The following CEP128 variants were observed in gnomAD, a reference collection of about 807,000 sequenced individuals.
CEP128 encodes centrosomal protein 128.
In CEP128, 132 loss-of-function variants were observed where a neutral mutation model predicts 156.7. The ratio of observed to expected loss-of-function variants is 0.84; its 90% CI spans 0.73 to 0.97. The LOEUF is 0.97. CEP128 is among the 50% of genes least tolerant of loss of function. The pLI is 0.00. For synonymous variants in CEP128, 469 were observed against 448.9 expected (o/e 1.04, Z -0.57); for missense variants, 1,252 against 1,281.9 (o/e 0.98, Z 0.36).
downstream of CEP128, among the ~76,000 whole-genome samples, chr14:80,489,267 TAAAAAA>T (rs35135843): frequency 9.3e-6 from 1 of 108,032 alleles, no homozygotes; most frequent in African/African-American, 3.5e-5. Flanking sequence ...TTGTAAAAGC[TAAAAAA>T]AAAAAAAAAA....
chr14:80,508,060 C>T (rs979900019), intron 23 of CEP128, among the ~76,000 whole-genome samples: 2 of 152,152 alleles, frequency 1.3e-5, no homozygotes, highest in Admixed American at 1.3e-4. Flanking sequence ...GGATTACAGG[C>T]ATGTGCCACC....
At chr14:80,952,300 T>C (rs1012660373) in intron 2 of CEP128, among the ~76,000 whole-genome samples, 2 of 152,136 alleles carry the variant, frequency 1.3e-5, no homozygotes, top group Admixed American at 6.5e-5. Flanking sequence ...GTGTTCAAGT[T>C]ATACAAACTA....
chr14:80,796,359 C>T (rs562521992), intron 13 of CEP128, among the ~76,000 whole-genome samples: 1 of 152,164 alleles, frequency 6.6e-6, no homozygotes, highest in South Asian at 2.1e-4. Flanking sequence ...ACTCAGGAGG[C>T]TGAGGCATAA....
chr14:80,515,961 C>T (rs188810681), intron 23 of CEP128, among the ~76,000 whole-genome samples: 8 of 152,284 alleles, frequency 5.3e-5, no homozygotes, highest in South Asian at 4.1e-4. Context: ...GACCACCTCC[C>T]GGGTTCAAGC....
intron 4 of CEP128, among the ~76,000 whole-genome samples, chr14:80,911,994 G>T (rs549140626): frequency 6.6e-6 from 1 of 152,154 alleles, no homozygotes; most frequent in Non-Finnish European, 1.5e-5. Context: ...CAAGGCAGGC[G>T]GATCACAAGG....
intron 13 of CEP128, among the ~76,000 whole-genome samples, chr14:80,827,248 A>G (rs1356427494): frequency 2.0e-5 from 3 of 152,216 alleles, no homozygotes; most frequent in Non-Finnish European, 4.4e-5. Context: ...AAAAACATAA[A>G]TTTTTTACAA....
At chr14:80,721,608 T>C (rs1396294245) in intron 19 of CEP128, among the ~76,000 whole-genome samples, 2 of 152,226 alleles carry the variant, frequency 1.3e-5, no homozygotes, top group African/African-American at 4.8e-5. Flanking sequence ...TTTAATATTT[T>C]ATTATCAGAA....
At chr14:80,597,732 A>G (rs938869806) in intron 19 of CEP128, among the ~76,000 whole-genome samples, 11 of 151,892 alleles carry the variant, frequency 7.2e-5, no homozygotes, top group African/African-American at 2.7e-4. Context: ...AACTTATAAT[A>G]AGAATTATGT....
intron 19 of CEP128, among the ~76,000 whole-genome samples, chr14:80,727,268 G>A (rs906173076): frequency 6.6e-6 from 1 of 152,064 alleles, no homozygotes; most frequent in East Asian, 1.9e-4. Flanking sequence ...TCACTTTAAC[G>A]TGAAATAAAG....
chr14:80,712,959 C>T (rs1335899215), intron 19 of CEP128, among the ~76,000 whole-genome samples: 2 of 152,116 alleles, frequency 1.3e-5, no homozygotes, highest in East Asian at 1.9e-4. Flanking sequence ...GTTGAATCAA[C>T]CCATCCTTAG....
chr14:80,798,227 T>A (rs1883607428), intron 13 of CEP128, among the ~76,000 whole-genome samples: 1 of 152,146 alleles, frequency 6.6e-6, no homozygotes, highest in African/African-American at 2.4e-5. Context: ...GAAAAAATGG[T>A]GATGAGTAGT....
chr14:80,731,561 T>C (rs1221699816), intron 19 of CEP128, among the ~76,000 whole-genome samples: 1 of 152,170 alleles, frequency 6.6e-6, no homozygotes, highest in Non-Finnish European at 1.5e-5. Flanking sequence ...AAATGTGATG[T>C]AACTAAAAAA....
intron 16 of CEP128, among the ~76,000 whole-genome samples, chr14:80,772,504 C>T (rs1019458303): frequency 1.3e-5 from 2 of 152,138 alleles, no homozygotes; most frequent in South Asian, 2.1e-4. Flanking sequence ...CAAGTCCATG[C>T]GTGAATTGAT....
intron 19 of CEP128, among the ~76,000 whole-genome samples, chr14:80,695,980 C>T (rs1000043947): frequency 6.6e-6 from 1 of 152,110 alleles, no homozygotes; most frequent in African/African-American, 2.4e-5. Flanking sequence ...TCATAGAGAA[C>T]AGACTGGGTG....
intron 2 of CEP128, among the ~76,000 whole-genome samples, chr14:80,933,774 A>G (rs1175564088): frequency 2.0e-5 from 3 of 152,214 alleles, no homozygotes; most frequent in African/African-American, 7.2e-5. Flanking sequence ...CTGTATCAAA[A>G]GCAGTCTCAG....
At chr14:80,870,424 C>T (rs1173761657) in intron 8 of CEP128, among the ~76,000 whole-genome samples, 1 of 151,908 alleles carries the variant, frequency 6.6e-6, no homozygotes, top group Non-Finnish European at 1.5e-5. Flanking sequence ...AGTATTTATC[C>T]CCAGAATACA....
intron 13 of CEP128, among the ~76,000 whole-genome samples, chr14:80,827,375 G>A (rs1885535263): frequency 6.6e-6 from 1 of 152,102 alleles, no homozygotes; most frequent in Non-Finnish European, 1.5e-5. Context: ...ATCTCAACAG[G>A]AATAGAAGCT....
At chr14:80,637,496 C>T (rs1265587483) in intron 19 of CEP128, among the ~76,000 whole-genome samples, 5 of 152,142 alleles carry the variant, frequency 3.3e-5, no homozygotes, top group Non-Finnish European at 7.4e-5. Context: ...TTAAGGGCTG[C>T]GTTTGCTTTT....
chr14:80,690,225 G>A (rs1218482346), intron 19 of CEP128, among the ~76,000 whole-genome samples: 2 of 147,728 alleles, frequency 1.4e-5, no homozygotes, highest in South Asian at 4.3e-4. Context: ...TGACCAACAC[G>A]GAGAAACCCT....
Sources: gnomAD v4.1 joint callset for allele counts (sites outside exome capture counted in the v4.1 genomes callset) on GRCh38, gnomAD v4.1.1 for gene constraint, MANE v1.5 for transcripts, NCBI Gene and HGNC (gene_info 2026-07-23, HGNC 2026-07-21) for gene names.